DNAAF9: variants seen among roughly 807,000 people sequenced by gnomAD.
DNAAF9 encodes the protein shulin.
In DNAAF9, 90 loss-of-function variants were observed where a neutral mutation model predicts 167.0. The observed-to-expected ratio is 0.54, with a 90% CI of 0.45 to 0.64. The LOEUF (loss-of-function observed/expected upper bound fraction) is 0.64, where lower values mean the gene tolerates loss of function less well. DNAAF9 is among the 30% of genes least tolerant of loss of function. The pLI, the probability that DNAAF9 is intolerant of heterozygous loss-of-function variation, is 0.00. For synonymous variants in DNAAF9, 491 were observed against 508.8 expected, an observed-to-expected ratio of 0.96 and a Z score of 0.47; for missense variants, 1,315 against 1,442.2, an observed-to-expected ratio of 0.91 and a Z score of 1.43.
At chr20:3,266,768 T>G (rs1215111050) in intron 30 of DNAAF9, among the ~76,000 whole-genome samples, 1 of 152,098 alleles carries the variant, frequency 6.6e-6, no homozygotes, top group African/African-American at 2.4e-5. Context: ...TGAGCCACCA[T>G]GCTCGGCTGA....
At chr20:3,377,679 C>G (rs1437145089) in intron 3 of DNAAF9, among the ~76,000 whole-genome samples, 1 of 151,858 alleles carries the variant, frequency 6.6e-6, no homozygotes, top group East Asian at 1.9e-4. Context: ...AGGCTGGTCT[C>G]GAACTCCTAA....
intron 1 of DNAAF9, 97 bp downstream of exon 1, chr20:3,407,378 C>G: frequency 9.9e-7 from 1 of 1,011,704 alleles, no homozygotes. Flanking sequence ...CCCGAGGAAG[C>G]CATGTCGGAC....
chr20:3,386,861 T>C (rs983909183), intron 1 of DNAAF9, among the ~76,000 whole-genome samples: 2 of 152,088 alleles, frequency 1.3e-5, no homozygotes, highest in Non-Finnish European at 2.9e-5. Context: ...TATGACAACA[T>C]GTTCGACATC....
intron 10 of DNAAF9, among the ~76,000 whole-genome samples, chr20:3,335,824 T>A (rs560392667): frequency 6.6e-6 from 1 of 151,996 alleles, no homozygotes; most frequent in East Asian, 1.9e-4. Context: ...CTGGCTGTTT[T>A]CAAGATTTTT....
At chr20:3,397,337 G>C (rs2123294657) in intron 1 of DNAAF9, among the ~76,000 whole-genome samples, 1 of 117,510 alleles carries the variant, frequency 8.5e-6, no homozygotes, top group South Asian at 2.6e-4. Context: ...TTTGTTTTTT[G>C]AGACGGAGTC....
chr20:3,406,619 G>A (rs1014532868), intron 1 of DNAAF9, among the ~76,000 whole-genome samples: 5 of 152,120 alleles, frequency 3.3e-5, no homozygotes, highest in African/African-American at 1.2e-4. Flanking sequence ...AATCGGAAAC[G>A]GATCTTCCTA....
chr20:3,283,622 G>A (rs113254464), intron 27 of DNAAF9, among the ~76,000 whole-genome samples: 32 of 152,236 alleles, frequency 2.1e-4, no homozygotes, highest in Non-Finnish European at 3.5e-4. Context: ...AGAGAAGCAC[G>A]CCTGGTAAGC....
chr20:3,368,754 G>A (rs1009904354), intron 6 of DNAAF9, among the ~76,000 whole-genome samples: 2 of 151,884 alleles, frequency 1.3e-5, no homozygotes, highest in East Asian at 2.0e-4. Flanking sequence ...TCCTGACCTC[G>A]TGATCCCTCC....
chr20:3,309,380 T>TCACA (rs2069362363), intron 20 of DNAAF9, among the ~76,000 whole-genome samples: 1 of 152,224 alleles, frequency 6.6e-6, no homozygotes, highest in African/African-American at 2.4e-5. Context: ...AAATTCCTAC[T>TCACA]GTTAATCCAC....
chr20:3,304,340 C>T, intron 21 of DNAAF9, 100 bp downstream of exon 21: 1 of 724,404 alleles, frequency 1.4e-6, no homozygotes, highest in South Asian at 1.5e-5. Flanking sequence ...TGACATACTG[C>T]CCTGTGGTAG....
At chr20:3,329,830 ATGAGT>A (rs2069787988) in intron 12 of DNAAF9, among the ~76,000 whole-genome samples, 1 of 152,198 alleles carries the variant, frequency 6.6e-6, no homozygotes. Context: ...TTCAGCACTA[ATGAGT>A]TTATTTTCTG....
intron 31 of DNAAF9, among the ~76,000 whole-genome samples, chr20:3,263,454 T>C (rs1009337053): frequency 9.9e-5 from 15 of 152,200 alleles, no homozygotes; most frequent in Non-Finnish European, 1.8e-4. Flanking sequence ...AAACAAATTG[T>C]CCATGCTATA....
rs761117165 is a variant in DNAAF9 at position 3,270,418 on chromosome 20, A to G, written c.2786+9T>C. On this transcript the variant is annotated intron_variant, in intron 30 of 36. Coordinates refer to ENST00000252032, the MANE Select transcript of DNAAF9 (RefSeq NM_001009984.3). Reference sequence around the variant, plus strand: ...GCAACTGGTCTTGCAGAGTGAATCTATAGATTACCTGGTGACAATCCCATT... The same window carrying G: ...GCAACTGGTCTTGCAGAGTGAATCTGTAGATTACCTGGTGACAATCCCATT... The G allele has an allele frequency of 6.2e-7, 1 of 1,613,036 alleles. No homozygotes were observed.
intron 29 of DNAAF9, among the ~76,000 whole-genome samples, chr20:3,273,726 T>A (rs2068631862): frequency 1.3e-5 from 2 of 152,176 alleles, no homozygotes; most frequent in Non-Finnish European, 1.5e-5. Flanking sequence ...TGTTTCAACA[T>A]GAGATTTGGA....
chr20:3,306,526 C>T (rs957226444), intron 20 of DNAAF9, among the ~76,000 whole-genome samples: 1 of 152,194 alleles, frequency 6.6e-6, no homozygotes, highest in Admixed American at 6.5e-5. Flanking sequence ...TCTCATAGGA[C>T]AGATGAGAAA....
At chr20:3,355,450 C>CT (rs2083271190) in intron 7 of DNAAF9, among the ~76,000 whole-genome samples, 4 of 152,062 alleles carry the variant, frequency 2.6e-5, no homozygotes, top group Admixed American at 2.6e-4. Context: ...TGGCACACAC[C>CT]TGTAGTCCCG....
intron 7 of DNAAF9, among the ~76,000 whole-genome samples, chr20:3,351,484 C>CAA (rs201303556): frequency 3.4e-5 from 4 of 117,472 alleles, no homozygotes; most frequent in Non-Finnish European, 1.8e-5. Context: ...GACTCCATCT[C>CAA]AAAAAAAAAA....
At chr20:3,299,144 T>A (rs1046485558) in intron 21 of DNAAF9, among the ~76,000 whole-genome samples, 5 of 151,512 alleles carry the variant, frequency 3.3e-5, no homozygotes, top group African/African-American at 1.2e-4. Context: ...CCCGACCTCA[T>A]AATCCGCCCG....
chr20:3,376,287 A>C lies in DNAAF9; in HGVS notation c.299T>G (p.Ile100Ser). 1 of 1,609,242 alleles carries C rather than the reference A, an allele frequency of 6.2e-7. No homozygotes were observed. The highest frequency in any genetic ancestry group is 8.5e-7 in the Non-Finnish European group (1 of 1,177,826). ...EEVLDDVIIL[I>S]KSDSVHLYCN... Reference sequence around the variant, plus strand: ...GTACAGATGGACGCTATCCGATTTAATCAATATAATTACATCTGTAAGAAA... The same window carrying C: ...GTACAGATGGACGCTATCCGATTTACTCAATATAATTACATCTGTAAGAAA... The change falls in exon 4 of 37, where the codon ATT (isoleucine) becomes AGT (serine). Residue 100 changes from isoleucine to serine, a missense_variant. Ile to Ser is a moderately radical substitution (Grantham distance 142). This residue lies in a region of DNAAF9 where 981 missense variants were observed against 1,012.5 expected (regional missense o/e 0.97). Coordinates refer to ENST00000252032, the MANE Select transcript of DNAAF9 (RefSeq NM_001009984.3).
Sources: allele counts gnomAD v4.1 joint callset (sites outside exome capture counted in the v4.1 genomes callset), GRCh38; gene constraint gnomAD v4.1.1; regional missense constraint gnomAD v4.1.1; transcripts MANE v1.5; gene names NCBI Gene and HGNC (gene_info 2026-07-23, HGNC 2026-07-21).